The following KCTD9 variants were observed in gnomAD, a reference collection of about 807,000 sequenced individuals.
The protein encoded by KCTD9 is BTB/POZ domain-containing protein KCTD9.
Under a neutral mutation model 53.3 loss-of-function variants are expected in KCTD9, and 17 were observed. That is an observed-to-expected ratio of 0.32 (90% CI 0.22 to 0.48). The LOEUF is 0.48. KCTD9 is among the 20% of genes least tolerant of loss of function. KCTD9 has a pLI of 0.99. For synonymous variants in KCTD9, 128 were observed against 162.7 expected, an observed-to-expected ratio of 0.79 and a Z score of 1.62; for missense variants, 179 against 465.5, an observed-to-expected ratio of 0.38 and a Z score of 5.66.
intron 4 of KCTD9, 53 bp downstream of exon 4, chr8:25,440,524 T>A: frequency 1.8e-6 from 2 of 1,140,510 alleles, no homozygotes; most frequent in South Asian, 2.5e-5. Context: ...GAACAAAGGG[T>A]ACACAGTGCT....
chr8:25,448,653 G>A (rs1050065084), intron 1 of KCTD9, among the ~76,000 whole-genome samples: 1 of 152,146 alleles, frequency 6.6e-6, no homozygotes, highest in African/African-American at 2.4e-5. Context: ...GGTGGCTCAC[G>A]CCTGTAAAAT....
intron 1 of KCTD9, among the ~76,000 whole-genome samples, chr8:25,448,506 A>G (rs144948302): frequency 6.0e-4 from 91 of 152,332 alleles, no homozygotes; most frequent in Non-Finnish European, 1.0e-3. Flanking sequence ...TGAATTACAC[A>G]TTTAAAAAAT....
chr8:25,428,782 G>C lies in KCTD9; in HGVS notation c.*1075C>G, dbSNP rs908935401. 3 of 152,070 alleles carry C rather than the reference G, an allele frequency of 2.0e-5. No individual in the cohort carries two copies. The highest frequency in any genetic ancestry group is 2.0e-4 in the Admixed American group (3 of 15,276). The allele number at this position is 152,070 out of a possible 1,614,324, so 9.4% of individuals were successfully genotyped here. On this transcript the variant is annotated 3_prime_UTR_variant, in exon 12 of 12. Coordinates refer to ENST00000221200, the MANE Select transcript of KCTD9 (RefSeq NM_017634.4). ...TTTTTTGGTGGCTGTAATCAAATGT[G>C]TGTTTAAAATTCCTCATTCCCCACT...
intron 6 of KCTD9, among the ~76,000 whole-genome samples, chr8:25,438,304 CTTT>C (rs34836158): frequency 2.7e-4 from 38 of 139,214 alleles, no homozygotes; most frequent in Non-Finnish European, 3.9e-4. Context: ...CAAATAATAT[CTTT>C]TTTTTTTTTT....
At chr8:25,439,511 G>T in intron 5 of KCTD9, 95 bp downstream of exon 5, 1 of 1,548,970 alleles carries the variant, frequency 6.5e-7, no homozygotes, top group South Asian at 1.2e-5. Flanking sequence ...CTTAAAAACT[G>T]ACATAATTAG....
chr8:25,429,810 A>G lies in KCTD9; in HGVS notation c.*47T>C. 1 of 930,108 alleles carries G rather than the reference A, an allele frequency of 1.1e-6. No homozygotes were observed. Among genetic ancestry groups the G allele is most frequent in the Non-Finnish European group, 1.8e-6 (1 of 560,734 alleles). The allele number at this position is 930,108 out of a possible 1,614,324, so 57.6% of individuals were successfully genotyped here. Reference sequence around the variant, plus strand: ...AGTGGGTGGAGAAAGAAAAGTGATAAGGAAAACATTTTCATCTTTTACATC... The same window carrying G: ...AGTGGGTGGAGAAAGAAAAGTGATAGGGAAAACATTTTCATCTTTTACATC... On this transcript the variant is annotated 3_prime_UTR_variant, in exon 12 of 12. Coordinates refer to ENST00000221200, the MANE Select transcript of KCTD9 (RefSeq NM_017634.4).
chr8:25,430,527 G>C (rs1801907368), intron 11 of KCTD9, among the ~76,000 whole-genome samples: 1 of 152,142 alleles, frequency 6.6e-6, no homozygotes, highest in Admixed American at 6.5e-5. Flanking sequence ...ATCTGTCACT[G>C]TCTCCAACAC....
At chr8:25,457,886 A>C (rs975629724) in intron 1 of KCTD9, 90 of 220,750 alleles carry the variant, frequency 4.1e-4, no homozygotes, top group Non-Finnish European at 6.8e-4. Context: ...CCGGGCGCCC[A>C]GGTGACCGCG....
intron 9 of KCTD9, among the ~76,000 whole-genome samples, chr8:25,433,959 A>G (rs1331891616): frequency 6.6e-6 from 1 of 152,258 alleles, no homozygotes; most frequent in Non-Finnish European, 1.5e-5. Context: ...TTATTTAGCT[A>G]GAAAACACTA....
chr8:25,434,063 TA>T (rs1801975889), intron 9 of KCTD9, among the ~76,000 whole-genome samples: 1 of 152,116 alleles, frequency 6.6e-6, no homozygotes, highest in South Asian at 2.1e-4. Context: ...GGGCAGAGAG[TA>T]AAATGGTAGA....
Position 25,428,697 on chromosome 8 carries a change from G to A in KCTD9, c.*1160C>T, listed in dbSNP as rs1464729150. The stretch of plus-strand genomic sequence containing the variant: ...AAAAAAATAAGTAAAAGAATCACAG[G>A]TGCTGACTGATTGATAATTACATCT... On this transcript the variant is annotated 3_prime_UTR_variant, in exon 12 of 12. Coordinates refer to ENST00000221200, the MANE Select transcript of KCTD9 (RefSeq NM_017634.4). 6.6e-6 allele frequency: 1 copy of A among 151,852 alleles called. No homozygotes were observed. The highest frequency in any genetic ancestry group is 1.5e-5 in the Non-Finnish European group (1 of 67,956). The allele number at this position is 151,852 out of a possible 1,614,324, so 9.4% of individuals were successfully genotyped here. A position where few individuals can be genotyped will look rare whatever the true frequency, so the allele number is the denominator to read the frequency against.
Position 25,436,823 on chromosome 8 carries a change from C to T in KCTD9, c.500-338G>A, listed in dbSNP as rs547857065. Reference sequence around the variant, plus strand: ...AAAAAAATGTACATCCTTTACATGACTTGGTATATTTACTTATTCTAATCT... The same window carrying T: ...AAAAAAATGTACATCCTTTACATGATTTGGTATATTTACTTATTCTAATCT... On this transcript the variant is annotated intron_variant, in intron 6 of 11. Transcript: ENST00000221200. 5.3e-5 allele frequency among the ~76,000 whole-genome samples: 8 copies of T among 152,166 alleles called. No homozygotes were observed. In the East Asian group the frequency reaches 1.5e-3, roughly 29 times the overall value.
At chr8:25,453,478 A>T (rs563113268) in intron 1 of KCTD9, among the ~76,000 whole-genome samples, 1 of 151,646 alleles carries the variant, frequency 6.6e-6, no homozygotes, top group South Asian at 2.1e-4. Flanking sequence ...ATATGGTGAA[A>T]CCCTGTCTCT....
chr8:25,446,383 G>A, intron 1 of KCTD9, 133 bp from the exon 2 acceptor site: 2 of 996,764 alleles, frequency 2.0e-6, no homozygotes, highest in Middle Eastern at 4.5e-4. Flanking sequence ...TCTTAACAGT[G>A]CCCCCTTTTC....
intron 1 of KCTD9, among the ~76,000 whole-genome samples, chr8:25,448,606 T>G (rs1403481745): frequency 1.3e-5 from 2 of 152,192 alleles, no homozygotes; most frequent in Non-Finnish European, 2.9e-5. Flanking sequence ...ACAGCAGGCT[T>G]GCCATAAATA....
intron 4 of KCTD9, chr8:25,439,912 T>A (rs1177335210): frequency 1.7e-6 from 1 of 589,560 alleles, no homozygotes; most frequent in East Asian, 3.6e-5. Flanking sequence ...GTCTATCCTG[T>A]AAGCAAATTA....
At chr8:25,445,617 GT>G (rs1802201510) in intron 2 of KCTD9, among the ~76,000 whole-genome samples, 1 of 152,072 alleles carries the variant, frequency 6.6e-6, no homozygotes, top group African/African-American at 2.4e-5. Flanking sequence ...CTACACACTT[GT>G]TTTAAAGAGA....
At position 25,435,319 on chromosome 8, in the gene KCTD9, G is replaced by A. The variant is rs769567428; in HGVS notation, c.813+44C>T. 6 of 1,435,136 alleles carry A rather than the reference G, an allele frequency of 4.2e-6. No individual in the cohort carries two copies. In the African/African-American group the frequency reaches 8.7e-5, roughly 21 times the overall value. 88.9% of individuals were successfully genotyped at this position (1,435,136 alleles called of 1,614,324 possible). A position where few individuals can be genotyped will look rare whatever the true frequency, so the allele number is the denominator to read the frequency against. The stretch of plus-strand genomic sequence containing the variant: ...AAAGGCTCTTTGAGACTGTTCAATA[G>A]ACTAAACATTTAATTTTCTCTTGTA... On this transcript the variant is annotated intron_variant, in intron 9 of 11. Coordinates refer to ENST00000221200, the MANE Select transcript of KCTD9 (RefSeq NM_017634.4).
At chr8:25,447,218 A>G in intron 1 of KCTD9, among the ~76,000 whole-genome samples, 1 of 151,894 alleles carries the variant, frequency 6.6e-6, no homozygotes, top group African/African-American at 2.4e-5. Context: ...ACATGGAGAA[A>G]CCCCATCCCT....
Sources: allele counts gnomAD v4.1 joint callset (sites outside exome capture counted in the v4.1 genomes callset), GRCh38; gene constraint gnomAD v4.1.1; transcripts MANE v1.5; gene names NCBI Gene and HGNC (gene_info 2026-07-23, HGNC 2026-07-21).